ATP6V1E1: variants seen among roughly 807,000 people sequenced by gnomAD.
The protein encoded by ATP6V1E1 is ATPase H+ transporting V1 subunit E1, also known as V-type proton ATPase subunit E 1.
ATP6V1E1 carries 21 observed loss-of-function variants against 35.2 expected under a neutral mutation model. The observed-to-expected ratio is 0.60, with a 90% CI of 0.42 to 0.86. The LOEUF (loss-of-function observed/expected upper bound fraction) is 0.86, where lower values mean the gene tolerates loss of function less well. Among genes scored for constraint, ATP6V1E1 ranks in the 40% least tolerant of loss-of-function variants. The pLI, the probability that ATP6V1E1 is intolerant of heterozygous loss-of-function variation, is 0.00. For synonymous variants in ATP6V1E1, 83 were observed against 87.8 expected (o/e 0.95, Z 0.30); for missense variants, 183 against 272.6 (o/e 0.67, Z 2.32).
intron 1 of ATP6V1E1, among the ~76,000 whole-genome samples, chr22:17,627,197 C>T (rs4449236): frequency 0.55 from 82,123 of 150,474 alleles, 25,147 homozygotes; most frequent in African/African-American, 0.84. Context: ...TCTCGCTCTG[C>T]CGCCCAGGGT....
rs190694336 is a variant in ATP6V1E1, at chr22:17,618,754, C to T, written c.99+707G>A. On this transcript the variant is annotated intron_variant, in intron 2 of 8. Transcript: ENST00000253413. ...GTGTTTCACACCTGTAATCCCAGCA[C>T]TTTGGGAGGCCCAAGCGGGTGGATC... is the stretch of plus-strand genomic sequence containing the variant. 3.3e-5 allele frequency among the ~76,000 whole-genome samples: 5 copies of T among 151,822 alleles called. No individual in the cohort carries two copies. In the East Asian group the frequency reaches 7.8e-4, roughly 24 times the overall value.
At chr22:17,593,893 A>C (rs2057717415) in intron 8 of ATP6V1E1, among the ~76,000 whole-genome samples, 1 of 152,186 alleles carries the variant, frequency 6.6e-6, no homozygotes, top group African/African-American at 2.4e-5. Context: ...CAGCAGCTTT[A>C]TGATAATTCC....
rs778980556 is a variant in ATP6V1E1, at chr22:17,600,046, T to C, written c.416A>G (p.Gln139Arg). The change falls in exon 6 of 9, where the codon CAA (glutamine) becomes CGA (arginine). Residue 139 changes from glutamine to arginine, a missense_variant. Physicochemically the swap from Gln to Arg is conservative, Grantham distance 43. Transcript: ENST00000253413. The part of the protein sequence containing the change: ...EPRMIVRCRK[Q>R]DFPLVKAAVQ... ...CTTTACCTTTACCAGAGGGAAATCT[T>C]GTTTCCTGCAACGAACAATCATTCG... 1 of 1,613,890 alleles carries C rather than the reference T, an allele frequency of 6.2e-7. No individual in the cohort carries two copies. Among genetic ancestry groups the C allele is most frequent in the Non-Finnish European group, 8.5e-7 (1 of 1,179,888 alleles).
At chr22:17,604,442 T>C (rs1481022693) in intron 4 of ATP6V1E1, among the ~76,000 whole-genome samples, 3 of 152,170 alleles carry the variant, frequency 2.0e-5, no homozygotes. Context: ...AACCAAAACC[T>C]GATTATGATG....
chr22:17,619,418 T>C (rs1338345431), intron 2 of ATP6V1E1, 43 bp downstream of exon 2: 4 of 1,531,340 alleles, frequency 2.6e-6, no homozygotes, highest in Non-Finnish European at 3.6e-6. Context: ...CAAAACAATA[T>C]GGAAACCTTG....
At position 17,592,750 on chromosome 22, in the gene ATP6V1E1, G is replaced by T; in HGVS notation, c.619-14C>A. The T allele has an allele frequency of 6.3e-7, 1 of 1,584,416 alleles. No homozygotes were observed. The highest frequency in any genetic ancestry group is 8.6e-7 in the Non-Finnish European group (1 of 1,157,822). ...TTCTGGCATCATCTGTGGAGAGAAA[G>T]TGTAATAAATACGCAATGTCAGCTG... On this transcript the variant is annotated splice_polypyrimidine_tract_variant and intron_variant, in intron 8 of 8. Coordinates refer to ENST00000253413, the MANE Select transcript of ATP6V1E1 (RefSeq NM_001696.4).
Position 17,628,669 on chromosome 22 carries a change from C to A in ATP6V1E1, c.-34G>T. ...CAATGCTAGGCCGGTGAACAGTAGG[C>A]TCGAGTTTAGGTTTGAAAGGTGAGG... On this transcript the variant is annotated 5_prime_UTR_variant, in exon 1 of 9. Coordinates refer to ENST00000253413, the MANE Select transcript of ATP6V1E1 (RefSeq NM_001696.4). The A allele has an allele frequency of 6.2e-7, 1 of 1,614,010 alleles. No individual in the cohort carries two copies. Among genetic ancestry groups the A allele is most frequent in the Non-Finnish European group, 8.5e-7 (1 of 1,179,930 alleles).
At chr22:17,627,380 C>T (rs1164249014) in intron 1 of ATP6V1E1, among the ~76,000 whole-genome samples, 1 of 151,752 alleles carries the variant, frequency 6.6e-6, no homozygotes, top group Non-Finnish European at 1.5e-5. Flanking sequence ...CCGCCCTCCT[C>T]AGCCTCCCAA....
At position 17,594,159 on chromosome 22, in the gene ATP6V1E1, A is replaced by C. The variant is rs754820096; in HGVS notation, c.618+370T>G. 9.5e-4 allele frequency among the ~76,000 whole-genome samples: 144 copies of C among 152,084 alleles called. 1 individual carries two copies. The highest frequency in any genetic ancestry group is 2.6e-4 in the Non-Finnish European group (18 of 68,020). ...GGAAGTTGCAGTGAGCCAAGACTGC[A>C]CTCCAGCCTGCGCAAAAAAGAGTGA... On this transcript the variant is annotated intron_variant, in intron 8 of 8. Transcript: ENST00000253413.
chr22:17,605,220 A>G (rs2057780329), intron 4 of ATP6V1E1, among the ~76,000 whole-genome samples: 1 of 134,750 alleles, frequency 7.4e-6, no homozygotes, highest in Admixed American at 7.6e-5. Flanking sequence ...AAAAAAAAAA[A>G]AAAGAAAAGA....
At chr22:17,627,674 T>G (rs960420226) in intron 1 of ATP6V1E1, among the ~76,000 whole-genome samples, 2 of 150,212 alleles carry the variant, frequency 1.3e-5, no homozygotes, top group African/African-American at 4.9e-5. Flanking sequence ...ATACAAAAAT[T>G]AGCCGGGCTT....
intron 3 of ATP6V1E1, 82 bp from the exon 4 acceptor site, chr22:17,612,960 C>T: frequency 2.2e-6 from 3 of 1,353,284 alleles, no homozygotes; most frequent in African/African-American, 2.9e-5. Flanking sequence ...CTCAAGCAAT[C>T]CTCCTCCCTT....
At chr22:17,627,414 C>A (rs2057917950) in intron 1 of ATP6V1E1, among the ~76,000 whole-genome samples, 1 of 151,902 alleles carries the variant, frequency 6.6e-6, no homozygotes, top group Admixed American at 6.6e-5. Context: ...CAGACGTGAG[C>A]CACCATGCCC....
At chr22:17,619,953 A>G (rs1426693756) in intron 1 of ATP6V1E1, among the ~76,000 whole-genome samples, 1 of 152,192 alleles carries the variant, frequency 6.6e-6, no homozygotes, top group Non-Finnish European at 1.5e-5. Flanking sequence ...CACCTGTAAG[A>G]AAGTATGCTG....
At chr22:17,593,328 C>G in intron 8 of ATP6V1E1, among the ~76,000 whole-genome samples, 1 of 151,910 alleles carries the variant, frequency 6.6e-6, no homozygotes, top group African/African-American at 2.4e-5. Flanking sequence ...CTTAACTCAT[C>G]ATAATCATCT....
rs544287230 is a variant in ATP6V1E1, at chr22:17,603,159, G to A, written c.277-1978C>T. Among the ~76,000 whole-genome samples the A allele has an allele frequency of 1.1e-4, 16 of 151,834 alleles. 2 individuals carry two copies. The South Asian group carries it at 2.5e-3, about 24-fold the overall frequency. On this transcript the variant is annotated intron_variant, in intron 4 of 8. Coordinates refer to ENST00000253413, the MANE Select transcript of ATP6V1E1 (RefSeq NM_001696.4). The stretch of plus-strand genomic sequence containing the variant: ...GAGACGGAGTTTCACCATGTTGGCC[G>A]GGCTGGTCTTGAACTCCTGACCTCA...
intron 4 of ATP6V1E1, among the ~76,000 whole-genome samples, chr22:17,608,867 A>G (rs2057799115): frequency 6.6e-6 from 1 of 152,158 alleles, no homozygotes; most frequent in Non-Finnish European, 1.5e-5. Flanking sequence ...CGGGCAGATC[A>G]CGAGGTCAGG....
At chr22:17,628,193 T>C (rs952348676) in intron 1 of ATP6V1E1, among the ~76,000 whole-genome samples, 20 of 152,082 alleles carry the variant, frequency 1.3e-4, no homozygotes, top group Non-Finnish European at 4.4e-5. Flanking sequence ...CTCGGACTCC[T>C]GACCTCAGGT....
intron 4 of ATP6V1E1, among the ~76,000 whole-genome samples, chr22:17,605,421 T>A (rs981156409): frequency 6.6e-6 from 1 of 151,570 alleles, no homozygotes; most frequent in African/African-American, 2.4e-5. Context: ...TCCCAGCTAC[T>A]CGGGAGGCTG....
Sources: allele counts gnomAD v4.1 joint callset (sites outside exome capture counted in the v4.1 genomes callset), GRCh38; gene constraint gnomAD v4.1.1; transcripts MANE v1.5; gene names NCBI Gene and HGNC (gene_info 2026-07-23, HGNC 2026-07-21).